The following CACNA1A variants were observed in gnomAD, a reference collection of about 807,000 sequenced individuals.
CACNA1A encodes the protein calcium voltage-gated channel subunit alpha1 A, also known as voltage-dependent P/Q-type calcium channel subunit alpha-1A.
In CACNA1A, 57 loss-of-function variants were observed where a neutral mutation model predicts 262.4. The observed-to-expected ratio is 0.22, with a 90% confidence interval of 0.18 to 0.27. CACNA1A has a LOEUF of 0.27. Ranked by LOEUF, CACNA1A falls within the 10% of genes least tolerant of loss-of-function variation. CACNA1A has a pLI of 1.00. For missense variants in CACNA1A, 2,526 were observed against 3,562.8 expected (o/e 0.71, Z 7.41); for synonymous variants, 1,431 against 1,419.3 (o/e 1.01, Z -0.18).
At chr19:13,262,651 C>T in intron 25 of CACNA1A, 83 bp downstream of exon 25, 1 of 805,482 alleles carries the variant, frequency 1.2e-6, no homozygotes, top group Non-Finnish European at 2.1e-6. Context: ...ATGTGTTGTC[C>T]TTGAGCAGTG....
At chr19:13,494,030 C>T (rs913436093) in intron 1 of CACNA1A, among the ~76,000 whole-genome samples, 4 of 152,240 alleles carry the variant, frequency 2.6e-5, no homozygotes, top group African/African-American at 9.6e-5. Context: ...GAACAAGATA[C>T]TTAAGCTTTT....
chr19:13,479,509 G>A (rs1398533112), intron 1 of CACNA1A, among the ~76,000 whole-genome samples: 6 of 152,204 alleles, frequency 3.9e-5, no homozygotes, highest in African/African-American at 1.4e-4. Context: ...AGAGATGCTC[G>A]TGGGCTTTTC....
chr19:13,355,577 C>T (rs1030824639), intron 6 of CACNA1A, among the ~76,000 whole-genome samples: 9 of 152,070 alleles, frequency 5.9e-5, no homozygotes, highest in Non-Finnish European at 1.2e-4. Context: ...GCAAAACGCC[C>T]GACAGGGAGG....
chr19:13,443,531 G>T (rs2144889548), intron 3 of CACNA1A, among the ~76,000 whole-genome samples: 1 of 152,154 alleles, frequency 6.6e-6, no homozygotes, highest in African/African-American at 2.4e-5. Context: ...ACTTTTTACA[G>T]AGACAGGATC....
At chr19:13,401,298 T>G (rs1390327672) in intron 3 of CACNA1A, among the ~76,000 whole-genome samples, 1 of 152,246 alleles carries the variant, frequency 6.6e-6, no homozygotes, top group African/African-American at 2.4e-5. Flanking sequence ...ACTTCCTAGC[T>G]GTGTGACCTT....
intron 12 of CACNA1A, among the ~76,000 whole-genome samples, chr19:13,311,075 G>A (rs762708735): frequency 3.9e-5 from 6 of 152,230 alleles, no homozygotes; most frequent in Admixed American, 1.3e-4. Flanking sequence ...TTATAGGTGT[G>A]AGCCACTGTG....
At chr19:13,417,024 T>C (rs956022387) in intron 3 of CACNA1A, among the ~76,000 whole-genome samples, 16 of 152,298 alleles carry the variant, frequency 1.1e-4, no homozygotes, top group South Asian at 6.2e-4. Context: ...AATTGCACGG[T>C]ACAGCTCAAA....
chr19:13,252,911 G>T, intron 30 of CACNA1A, 80 bp downstream of exon 30: 1 of 913,476 alleles, frequency 1.1e-6, no homozygotes, highest in Non-Finnish European at 1.7e-6. Context: ...GGGCCACGTT[G>T]GGAGACCATC....
intron 30 of CACNA1A, among the ~76,000 whole-genome samples, chr19:13,246,664 C>T (rs985325639): frequency 6.6e-6 from 1 of 151,802 alleles, no homozygotes; most frequent in African/African-American, 2.4e-5. Flanking sequence ...CTCACTCTGT[C>T]GCCCAGGCTG....
intron 5 of CACNA1A, among the ~76,000 whole-genome samples, chr19:13,361,101 AT>A (rs914738163): frequency 2.0e-5 from 3 of 151,848 alleles, no homozygotes; most frequent in African/African-American, 7.3e-5. Flanking sequence ...AGCCTTGCTG[AT>A]TTTTTTCTTC....
intron 11 of CACNA1A, among the ~76,000 whole-genome samples, chr19:13,314,326 T>C (rs780732384): frequency 1.3e-5 from 2 of 152,180 alleles, no homozygotes; most frequent in African/African-American, 4.8e-5. Context: ...GTGGTTGTGA[T>C]GGTTTAAATG....
intron 38 of CACNA1A, among the ~76,000 whole-genome samples, chr19:13,223,913 A>ACCTC (rs2055335679): frequency 6.6e-6 from 1 of 151,804 alleles, no homozygotes; most frequent in Non-Finnish European, 1.5e-5. Flanking sequence ...TGCCTGTAAT[A>ACCTC]CCAGCATTTT....
chr19:13,214,319 C>A lies in CACNA1A; in HGVS notation c.5854G>T (p.Val1952Leu), dbSNP rs749251058. 6.2e-7 allele frequency: 1 copy of A among 1,612,742 alleles called. No individual in the cohort carries two copies. Among genetic ancestry groups the A allele is most frequent in the Non-Finnish European group, 8.5e-7 (1 of 1,179,830 alleles). ...VTPHKSTDLT[V>L]GKIYAAMMIM... ...ATCATGGCTGCGTAGATCTTCCCCACGGTGAGGTCCGTGGCTGGGGGCACA... is the reference window on the plus strand; with the variant it reads ...ATCATGGCTGCGTAGATCTTCCCCAAGGTGAGGTCCGTGGCTGGGGGCACA... Residue 1952 changes from valine to leucine, a missense_variant, in exon 40 of 47, where the codon GTG becomes TTG. Val to Leu is a conservative substitution (Grantham distance 32, BLOSUM62 1). Around this residue, in one of 17 missense-constraint regions of CACNA1A, gnomAD observed 112 missense variants for 197.2 expected, o/e 0.57. Coordinates refer to ENST00000360228, the MANE Select transcript of CACNA1A (RefSeq NM_001127222.2). The surrounding 1 kb of genome is among the most constrained non-coding windows in gnomAD (Gnocchi z 4.1).
At chr19:13,284,787 G>T (rs1211579007) in intron 21 of CACNA1A, among the ~76,000 whole-genome samples, 1 of 152,074 alleles carries the variant, frequency 6.6e-6, no homozygotes, top group Non-Finnish European at 1.5e-5. Context: ...TTGTTGTTTA[G>T]GACAAATTTA....
chr19:13,235,111 T>G, intron 33 of CACNA1A, 75 bp from the exon 34 acceptor site: 1 of 1,539,326 alleles, frequency 6.5e-7, no homozygotes, highest in Non-Finnish European at 9.0e-7. Flanking sequence ...TCAACCTCCA[T>G]GGCTGCTTCT....
At chr19:13,453,930 G>C (rs1036174243) in intron 2 of CACNA1A, among the ~76,000 whole-genome samples, 4 of 151,968 alleles carry the variant, frequency 2.6e-5, no homozygotes. Flanking sequence ...TCATAGGTTT[G>C]CTAGGCTAGT....
chr19:13,366,801 A>G (rs1480034492), intron 4 of CACNA1A, among the ~76,000 whole-genome samples: 2 of 152,078 alleles, frequency 1.3e-5, no homozygotes, highest in Non-Finnish European at 2.9e-5. Context: ...GCCGCCATAT[A>G]GGCTAGTTGC....
chr19:13,223,464 C>T (rs2055311626), intron 38 of CACNA1A, among the ~76,000 whole-genome samples: 1 of 152,202 alleles, frequency 6.6e-6, no homozygotes, highest in Non-Finnish European at 1.5e-5. Context: ...GCTGAGATTA[C>T]AGGCGTGAGC....
chr19:13,476,973 G>A (rs980142690), intron 1 of CACNA1A, among the ~76,000 whole-genome samples: 3 of 152,024 alleles, frequency 2.0e-5, no homozygotes, highest in Admixed American at 6.6e-5. Flanking sequence ...AAAGCCCTCC[G>A]TGGCTCCCAG....
Sources: allele counts gnomAD v4.1 joint callset (sites outside exome capture counted in the v4.1 genomes callset), GRCh38; gene constraint gnomAD v4.1.1; regional missense constraint gnomAD v4.1.1; non-coding constraint Gnocchi (gnomAD v3.1); transcripts MANE v1.5; gene names NCBI Gene and HGNC (gene_info 2026-07-23, HGNC 2026-07-21).